Variants in ZNF487 observed in about 807,000 individuals in gnomAD.
The protein encoded by ZNF487 is KRAB domain only 1.
ZNF487 carries 4 observed loss-of-function variants against 3.0 expected under a neutral mutation model. That is an observed-to-expected ratio of 1.35 (90% CI 0.66 to 3.08). The LOEUF is 3.08. ZNF487 is among the 30% of genes most tolerant of loss of function. The pLI is 0.01. For missense variants in ZNF487, 146 were observed against 98.7 expected (o/e 1.48, Z -2.03); for synonymous variants, 55 against 34.6 (o/e 1.59, Z -2.06).
downstream of ZNF487, among the ~76,000 whole-genome samples, chr10:43,486,679 C>T (rs2132164187): frequency 1.3e-5 from 2 of 152,252 alleles, no homozygotes; most frequent in Middle Eastern, 3.4e-3. Flanking sequence ...AGATATCACA[C>T]AATGGTAAAT....
chr10:43,446,119 G>T (rs1371633273), intron 1 of ZNF487, among the ~76,000 whole-genome samples: 1 of 152,258 alleles, frequency 6.6e-6, no homozygotes, highest in Middle Eastern at 3.4e-3. Context: ...CTCTTTCTTT[G>T]CCCCACGTTT....
intron 1 of ZNF487, among the ~76,000 whole-genome samples, chr10:43,455,297 C>T (rs1840144399): frequency 6.6e-6 from 1 of 152,158 alleles, no homozygotes; most frequent in Admixed American, 6.5e-5. Flanking sequence ...AGGCGTGAGC[C>T]ACGGCGCACG....
At chr10:43,519,669 T>C in the ZNF487 span, among the ~76,000 whole-genome samples, 1 of 152,176 alleles carries the variant, frequency 6.6e-6, no homozygotes, top group African/African-American at 2.4e-5. Flanking sequence ...AGTTTTACCA[T>C]ATTGGCCAGG....
intron 1 of ZNF487, among the ~76,000 whole-genome samples, chr10:43,474,102 A>G (rs1280913582): frequency 2.0e-5 from 3 of 151,338 alleles, no homozygotes; most frequent in Non-Finnish European, 4.4e-5. Context: ...TCAAAGCTGC[A>G]GTGAGCTGTG....
chr10:43,498,928 C>G, the ZNF487 span, among the ~76,000 whole-genome samples: 1 of 144,300 alleles, frequency 6.9e-6, no homozygotes, highest in South Asian at 2.2e-4. Context: ...GGCAACACAG[C>G]GAGACTCCGT....
chr10:43,437,880 G>C (rs184097364), intron 1 of ZNF487, among the ~76,000 whole-genome samples: 63 of 151,188 alleles, frequency 4.2e-4, no homozygotes, highest in Middle Eastern at 6.8e-3. Context: ...AATAGAAACA[G>C]GGGTATCACT....
At chr10:43,455,880 C>A (rs562166704) in intron 1 of ZNF487, among the ~76,000 whole-genome samples, 1 of 152,340 alleles carries the variant, frequency 6.6e-6, no homozygotes, top group African/African-American at 2.4e-5. Context: ...GGACGCTTCG[C>A]GCTCCAGGAA....
chr10:43,509,460 T>TATATAC, the ZNF487 span, among the ~76,000 whole-genome samples: 1 of 97,334 alleles, frequency 1.0e-5, no homozygotes, highest in Admixed American at 9.0e-5. Flanking sequence ...TAATGGAACA[T>TATATAC]ATATATATAT....
the ZNF487 span, among the ~76,000 whole-genome samples, chr10:43,513,835 T>C: frequency 6.6e-6 from 1 of 152,146 alleles, no homozygotes; most frequent in Admixed American, 6.6e-5. Flanking sequence ...AGCCCCTACT[T>C]TAACTGTAGG....
At chr10:43,437,517 A>T (rs1839431433) in intron 1 of ZNF487, among the ~76,000 whole-genome samples, 1 of 152,110 alleles carries the variant, frequency 6.6e-6, no homozygotes, top group Non-Finnish European at 1.5e-5. Context: ...GGATATTGGG[A>T]GAGTCCTGGA....
At chr10:43,499,011 G>A in the ZNF487 span, among the ~76,000 whole-genome samples, 1 of 152,054 alleles carries the variant, frequency 6.6e-6, no homozygotes, top group African/African-American at 2.4e-5. Context: ...CTTGTTGCGT[G>A]TAAAAAGGAC....
At chr10:43,446,989 G>A (rs942819796) in intron 1 of ZNF487, among the ~76,000 whole-genome samples, 11 of 152,172 alleles carry the variant, frequency 7.2e-5, no homozygotes, top group African/African-American at 2.6e-4. Context: ...GTCAGGAGCT[G>A]GAGACCAGCC....
At chr10:43,486,220 A>G (rs1841469095), downstream of ZNF487, among the ~76,000 whole-genome samples, 1 of 152,206 alleles carries the variant, frequency 6.6e-6, no homozygotes, top group Non-Finnish European at 1.5e-5. Context: ...TTTCTTAAAA[A>G]CATGCTTTTA....
intron 1 of ZNF487, among the ~76,000 whole-genome samples, chr10:43,459,632 G>A (rs1234326879): frequency 1.3e-5 from 2 of 151,930 alleles, no homozygotes; most frequent in African/African-American, 2.4e-5. Flanking sequence ...GTGCAGTGTT[G>A]CGATCACAGC....
the ZNF487 span, among the ~76,000 whole-genome samples, chr10:43,514,171 C>T: frequency 6.6e-6 from 1 of 152,104 alleles, no homozygotes; most frequent in Admixed American, 6.5e-5. Flanking sequence ...GACAGAGTCT[C>T]CCTCTGTCAT....
At position 43,459,418 on chromosome 10, in the gene ZNF487, C is replaced by T. The variant is rs151046948; in HGVS notation, c.-93-16303C>T. 4.4e-3 allele frequency among the ~76,000 whole-genome samples: 670 copies of T among 152,148 alleles called. 5 individuals carry two copies. The highest frequency in any genetic ancestry group is 0.016 in the African/African-American group (646 of 41,510). ...CTAGTTTTTGTACTTTTAGTAGAGACAGGGTTTTGCCATGTTGGCCAGGCT... is the reference window on the plus strand; with the variant it reads ...CTAGTTTTTGTACTTTTAGTAGAGATAGGGTTTTGCCATGTTGGCCAGGCT... On this transcript the variant is annotated intron_variant, in intron 1 of 3. Coordinates refer to ENST00000437590, the MANE Select transcript of ZNF487 (RefSeq NM_001355444.3).
At chr10:43,454,937 C>CA (rs58217923) in intron 1 of ZNF487, among the ~76,000 whole-genome samples, 48,908 of 85,264 alleles carry the variant, frequency 0.57, 13,395 homozygotes, top group East Asian at 0.74. Flanking sequence ...GACCTTGTCT[C>CA]AAAAAAAAAA....
chr10:43,455,677 T>C (rs899211905), intron 1 of ZNF487, among the ~76,000 whole-genome samples: 5 of 152,148 alleles, frequency 3.3e-5, no homozygotes, highest in Non-Finnish European at 7.4e-5. Flanking sequence ...GCGCGGCCCA[T>C]TTCCGAGAGT....
intron 1 of ZNF487, among the ~76,000 whole-genome samples, chr10:43,444,455 G>T (rs1159728772): frequency 1.3e-5 from 2 of 152,176 alleles, no homozygotes; most frequent in Non-Finnish European, 2.9e-5. Context: ...GCAGTACCCT[G>T]AACTGGAAGT....
Sources: gnomAD v4.1 joint callset for allele counts (sites outside exome capture counted in the v4.1 genomes callset) on GRCh38, gnomAD v4.1.1 for gene constraint, MANE v1.5 for transcripts, NCBI Gene and HGNC (gene_info 2026-07-23, HGNC 2026-07-21) for gene names.